LMNTD1: variants seen among roughly 807,000 people sequenced by gnomAD.
LMNTD1 encodes the protein lamin tail domain containing 1.
LMNTD1 carries 35 observed loss-of-function variants against 50.9 expected under a neutral mutation model. The ratio of observed to expected loss-of-function variants is 0.69; its 90% confidence interval spans 0.53 to 0.91. The LOEUF (loss-of-function observed/expected upper bound fraction) is 0.91. LMNTD1 is among the 40% of genes least tolerant of loss of function. LMNTD1 has a pLI of 0.00. For missense variants in LMNTD1, 470 were observed against 475.5 expected, an observed-to-expected ratio of 0.99 and a Z score of 0.11; for synonymous variants, 153 against 161.9, an observed-to-expected ratio of 0.94 and a Z score of 0.42.
intron 1 of LMNTD1, among the ~76,000 whole-genome samples, chr12:25,575,676 C>T (rs1008243708): frequency 9.2e-6 from 1 of 108,272 alleles, no homozygotes; most frequent in Non-Finnish European, 1.9e-5. Context: ...GGCAAGAACC[C>T]TAGCTCTATT....
chr12:25,517,056 C>T (rs1314267373), intron 8 of LMNTD1, among the ~76,000 whole-genome samples: 1 of 91,372 alleles, frequency 1.1e-5, no homozygotes, highest in Non-Finnish European at 2.5e-5. Flanking sequence ...AGTCAGGAAA[C>T]AACAGGTGCT....
In LMNTD1 at chr12:25,553,126, A is replaced by G. The variant is rs750870117; in HGVS notation, c.-88T>C. 6.2e-7 allele frequency: 1 copy of G among 1,612,448 alleles called. No homozygotes were observed. The highest frequency in any genetic ancestry group is 8.5e-7 in the Non-Finnish European group (1 of 1,179,886). ...GGTTTAATAATTTCTTTACCAAACT[A>G]GTACCAGAACCACAATTCTCATGAG... On this transcript the variant is annotated 5_prime_UTR_variant, in exon 1 of 10. Coordinates refer to ENST00000458174, the MANE Select transcript of LMNTD1 (RefSeq NM_001145728.2).
intron 1 of LMNTD1, among the ~76,000 whole-genome samples, chr12:25,608,266 T>G (rs1439849305): frequency 3.3e-5 from 5 of 152,246 alleles, no homozygotes; most frequent in African/African-American, 1.2e-4. Context: ...AGCACACTGA[T>G]GGATCTTGAC....
At position 25,518,844 on chromosome 12, in the gene LMNTD1, T is replaced by C; in HGVS notation, c.1140A>G (p.Arg380=). 4 of 1,614,130 alleles carry C rather than the reference T, an allele frequency of 2.5e-6. No individual in the cohort carries two copies. The highest frequency in any genetic ancestry group is 3.4e-6 in the Non-Finnish European group (4 of 1,180,026). ...ACCGAGTCCTGGGCTGTCTATCCAA[T>C]CTGCCTCCAGCGGTGGATGTATTGT... ...EPHNTSTAGG[R]LDRQPRTRST... Residue 380 remains arginine, a synonymous_variant, in exon 8 of 10, where the codon AGA becomes AGG. Transcript: ENST00000458174.
At chr12:25,516,187 G>A (rs894504004) in intron 8 of LMNTD1, among the ~76,000 whole-genome samples, 2 of 151,980 alleles carry the variant, frequency 1.3e-5, no homozygotes, top group Non-Finnish European at 1.5e-5. Context: ...AGAAAAAATC[G>A]TACAATTCTG....
At chr12:25,619,413 T>C (rs146371493) in intron 1 of LMNTD1, among the ~76,000 whole-genome samples, 1 of 152,316 alleles carries the variant, frequency 6.6e-6, no homozygotes, top group East Asian at 1.9e-4. Context: ...AAACACATTA[T>C]AGCCCTTTTC....
At chr12:25,483,415 C>T (rs1037535950) in intron 9 of LMNTD1, among the ~76,000 whole-genome samples, 1 of 151,354 alleles carries the variant, frequency 6.6e-6, no homozygotes, top group African/African-American at 2.4e-5. Flanking sequence ...AAGGGAGATC[C>T]TGTCTCAAAA....
intron 1 of LMNTD1, among the ~76,000 whole-genome samples, chr12:25,582,055 T>C (rs2136424029): frequency 6.6e-6 from 1 of 152,356 alleles, no homozygotes; most frequent in East Asian, 1.9e-4. Context: ...GGCAAAAGCC[T>C]GGTATCATGG....
intron 8 of LMNTD1, 69 bp from the exon 9 acceptor site, chr12:25,503,869 G>A: frequency 1.4e-6 from 1 of 730,402 alleles, no homozygotes; most frequent in Middle Eastern, 2.5e-4. Flanking sequence ...GTTCAGTCCA[G>A]TATTCCAAGT....
At chr12:25,598,290 T>C (rs1193373879) in intron 1 of LMNTD1, among the ~76,000 whole-genome samples, 2 of 151,674 alleles carry the variant, frequency 1.3e-5, no homozygotes, top group Admixed American at 6.6e-5. Context: ...AAAAAGAAAA[T>C]TGAAAAATTT....
At chr12:25,571,915 A>G (rs887497288) in intron 1 of LMNTD1, among the ~76,000 whole-genome samples, 104 of 152,070 alleles carry the variant, frequency 6.8e-4, no homozygotes, top group Non-Finnish European at 9.9e-4. Context: ...AAGTTGATCC[A>G]CCTGCCTCAG....
intron 6 of LMNTD1, among the ~76,000 whole-genome samples, chr12:25,523,374 C>T (rs1225123392): frequency 6.6e-6 from 1 of 152,162 alleles, no homozygotes; most frequent in Non-Finnish European, 1.5e-5. Flanking sequence ...CTTCTCTTTG[C>T]CCCATCTTAC....
chr12:25,598,817 T>G (rs947365344), intron 1 of LMNTD1, among the ~76,000 whole-genome samples: 9 of 151,902 alleles, frequency 5.9e-5, no homozygotes, highest in African/African-American at 1.7e-4. Context: ...ATCCAAAACC[T>G]GAACAGACCA....
intron 1 of LMNTD1, among the ~76,000 whole-genome samples, chr12:25,578,537 A>T (rs1416038043): frequency 2.0e-5 from 3 of 152,344 alleles, no homozygotes; most frequent in East Asian, 3.9e-4. Flanking sequence ...TTAATGCAAA[A>T]CTATGTAAAT....
intron 4 of LMNTD1, among the ~76,000 whole-genome samples, chr12:25,532,725 TTTC>T (rs1300150777): frequency 2.0e-5 from 3 of 152,152 alleles, no homozygotes; most frequent in South Asian, 2.1e-4. Context: ...CATAATTTCT[TTTC>T]TTCTTCTTTT....
At chr12:25,607,377 T>G (rs1355266600) in intron 1 of LMNTD1, among the ~76,000 whole-genome samples, 2 of 152,214 alleles carry the variant, frequency 1.3e-5, no homozygotes, top group Non-Finnish European at 2.9e-5. Context: ...TTCTGCTAGC[T>G]TTTGAATTTG....
intron 1 of LMNTD1, among the ~76,000 whole-genome samples, chr12:25,609,942 C>A (rs1055026988): frequency 2.6e-4 from 39 of 152,282 alleles, no homozygotes; most frequent in African/African-American, 8.9e-4. Flanking sequence ...TATGCCCAGC[C>A]CCCAGAGGTG....
At chr12:25,517,338 A>G (rs1940868090) in intron 8 of LMNTD1, among the ~76,000 whole-genome samples, 1 of 58,552 alleles carries the variant, frequency 1.7e-5, no homozygotes, top group Admixed American at 1.8e-4. Context: ...CTGGATTAAG[A>G]AAATGTGGCA....
chr12:25,625,095 T>C (rs930889828), intron 1 of LMNTD1, among the ~76,000 whole-genome samples: 2 of 152,212 alleles, frequency 1.3e-5, no homozygotes, highest in Non-Finnish European at 2.9e-5. Flanking sequence ...AGAGTGTTAA[T>C]GGGCATAGCT....
Sources: gnomAD v4.1 joint callset for allele counts (sites outside exome capture counted in the v4.1 genomes callset) on GRCh38, gnomAD v4.1.1 for gene constraint, MANE v1.5 for transcripts, NCBI Gene and HGNC (gene_info 2026-07-23, HGNC 2026-07-21) for gene names.